The following RAB3D variants were observed in gnomAD, a reference collection of about 807,000 sequenced individuals.
RAB3D encodes ras-related protein Rab-3D.
A neutral mutation model predicts 19.3 loss-of-function variants in RAB3D; 17 were observed. The ratio of observed to expected loss-of-function variants is 0.88; its 90% CI spans 0.60 to 1.32. The LOEUF (loss-of-function observed/expected upper bound fraction) is 1.32. Among genes scored for constraint, RAB3D ranks in the 40% most tolerant of loss-of-function variants. The pLI, the probability that RAB3D is intolerant of heterozygous loss-of-function variation, is 0.00. For missense variants in RAB3D, 223 were observed against 299.1 expected, an observed-to-expected ratio of 0.75 and a Z score of 1.88; for synonymous variants, 103 against 119.9, an observed-to-expected ratio of 0.86 and a Z score of 0.92.
At position 11,325,434 on chromosome 19, in the gene RAB3D, A is replaced by G; in HGVS notation, c.624T>C (p.Asp208=). The G allele has an allele frequency of 6.2e-7, 1 of 1,606,138 alleles. No homozygotes were observed. Residue 208 remains aspartate, a synonymous_variant, in exon 5 of 5, where the codon GAT becomes GAC. Transcript: ENST00000222120. ...AGCTGCTGGGCTGGGGGGCTGGAGC[A>G]TCCCCCACGGCCGGGCCTTTCCCGT... The part of the protein sequence containing the change: ...GSNGKGPAVG[D]APAPQPSSCS...
chr19:11,332,190 G>A (rs533308575), intron 4 of RAB3D, among the ~76,000 whole-genome samples: 3 of 152,074 alleles, frequency 2.0e-5, no homozygotes, highest in South Asian at 2.1e-4. Context: ...GCGCCACCAC[G>A]ACCGGCTAAT....
rs766327339 is a variant in RAB3D, at chr19:11,335,591, G to A, written c.348-20C>T. 1 of 1,613,970 alleles carries A rather than the reference G, an allele frequency of 6.2e-7. No individual in the cohort carries two copies. The highest frequency in any genetic ancestry group is 8.5e-7 in the Non-Finnish European group (1 of 1,179,868). ...GTGGCCCTGCAGAGTTACCAGTGGT[G>A]AGCCATGAGCCGGGGGGGTTAGGGG... On this transcript the variant is annotated intron_variant, in intron 3 of 4. Transcript: ENST00000222120.
At position 11,330,532 on chromosome 19, in the gene RAB3D, T is replaced by C. The variant is rs190609386; in HGVS notation, c.472+4915A>G. Among the ~76,000 whole-genome samples, 8 of 152,056 alleles carry C rather than the reference T, an allele frequency of 5.3e-5. No homozygotes were observed. The East Asian group carries it at 1.6e-3, about 30-fold the overall frequency. On this transcript the variant is annotated intron_variant, in intron 4 of 4. Transcript: ENST00000222120. Reference sequence around the variant, plus strand: ...GAGTTCAAGATCAGCCCAGACAACATGGCAAGACCTATCTCTTAAAATTTT... The same window carrying C: ...GAGTTCAAGATCAGCCCAGACAACACGGCAAGACCTATCTCTTAAAATTTT...
At chr19:11,332,154 T>A (rs988396270) in intron 4 of RAB3D, among the ~76,000 whole-genome samples, 1 of 152,142 alleles carries the variant, frequency 6.6e-6, no homozygotes, top group African/African-American at 2.4e-5. Context: ...TCCCTCAGCC[T>A]CCTGAGTAGC....
In RAB3D at chr19:11,326,748, T is replaced by C. The variant is rs373857835; in HGVS notation, c.473-1163A>G. On this transcript the variant is annotated intron_variant, in intron 4 of 4. Coordinates refer to ENST00000222120, the MANE Select transcript of RAB3D (RefSeq NM_004283.4). ...CCCCCTGAGTAGCTGGGGCTACAGG[T>C]GTGCCCCACCATGCCCGGCTAATTT... is the stretch of plus-strand genomic sequence containing the variant. 784 of 695,022 alleles carry C rather than the reference T, an allele frequency of 1.1e-3. 10 individuals carry two copies. In the African/African-American group the frequency reaches 0.013, roughly 11 times the overall value. The allele number at this position is 695,022 out of a possible 1,614,324, so 43.1% of individuals were successfully genotyped here. A position where few individuals can be genotyped will look rare whatever the true frequency, so the allele number is the denominator to read the frequency against.
chr19:11,328,792 G>C (rs2080825447), intron 4 of RAB3D, among the ~76,000 whole-genome samples: 1 of 151,908 alleles, frequency 6.6e-6, no homozygotes, highest in South Asian at 2.1e-4. Flanking sequence ...ACTCCAGCCT[G>C]GGCAACAGAG....
chr19:11,335,720 A>C lies in RAB3D; in HGVS notation c.292T>G (p.Phe98Val), dbSNP rs1412190099. 1 of 1,614,210 alleles carries C rather than the reference A, an allele frequency of 6.2e-7. No individual in the cohort carries two copies. The highest frequency in any genetic ancestry group is 1.7e-5 in the Admixed American group (1 of 60,018). Residue 98 changes from phenylalanine (F) to valine (V), a missense_variant, in exon 3 of 5, where the codon TTC (phenylalanine) becomes GTC (valine). Phe to Val is a conservative substitution (Grantham distance 50). Coordinates refer to ENST00000222120, the MANE Select transcript of RAB3D (RefSeq NM_004283.4). ...TTAYYRGAMG[F>V]LLMYDIANQE... ...TTGGCGATGTCATACATGAGCAGGA[A>C]GCCCATGGCTCCCCGGTAGTAGGCC...
chr19:11,325,426 G>A lies in RAB3D; in HGVS notation c.632C>T (p.Ala211Val), dbSNP rs752173558. ...GCAGCTGCAGCTGCTGGGCTGGGGG[G>A]CTGGAGCATCCCCCACGGCCGGGCC... ...GKGPAVGDAP[A>V]PQPSSCSC The change falls in exon 5 of 5, where the codon GCC (alanine) becomes GTC (valine). Residue 211 changes from alanine (A) to valine (V), a missense_variant. Coordinates refer to ENST00000222120, the MANE Select transcript of RAB3D (RefSeq NM_004283.4). The A allele has an allele frequency of 3.6e-6, 3 of 825,494 alleles. No homozygotes were observed. Among genetic ancestry groups the A allele is most frequent in the Non-Finnish European group, 5.4e-6 (3 of 553,952 alleles). The allele number at this position is 825,494 out of a possible 1,614,324, so 51.1% of individuals were successfully genotyped here. A position where few individuals can be genotyped will look rare whatever the true frequency, so the allele number is the denominator to read the frequency against.
chr19:11,332,284 G>A (rs1012410435), intron 4 of RAB3D, among the ~76,000 whole-genome samples: 1 of 152,278 alleles, frequency 6.6e-6, no homozygotes, highest in East Asian at 1.9e-4. Flanking sequence ...CGCCTGCCTC[G>A]GCCTCCCAAA....
chr19:11,334,185 C>T (rs532673087), intron 4 of RAB3D, among the ~76,000 whole-genome samples: 41 of 152,000 alleles, frequency 2.7e-4, no homozygotes, highest in Non-Finnish European at 3.5e-4. Flanking sequence ...TTTGCTAGAA[C>T]AAAACAGCCA....
In RAB3D at chr19:11,337,360, C is replaced by T; in HGVS notation, c.40G>A (p.Ala14Thr). The T allele has an allele frequency of 1.2e-6, 2 of 1,614,178 alleles. No homozygotes were observed. Among genetic ancestry groups the T allele is most frequent in the Non-Finnish European group, 1.7e-6 (2 of 1,180,024 alleles). Reference sequence around the variant, plus strand: ...ATATAGTCGAAGTTCTGATCTGCTGCATCCCGTGGGCCTGCCTGGGTGTCT... The same window carrying T: ...ATATAGTCGAAGTTCTGATCTGCTGTATCCCGTGGGCCTGCCTGGGTGTCT... ...AGDTQAGPRDAADQNFDYMFK... is the reference protein window; with the variant it reads ...AGDTQAGPRDTADQNFDYMFK... Residue 14 changes from alanine to threonine, a missense_variant, in exon 2 of 5, where the codon GCA (alanine) becomes ACA (threonine). Physicochemically the swap from Ala to Thr is moderately conservative, Grantham distance 58. Transcript: ENST00000222120.
chr19:11,335,566 G>A lies in RAB3D; in HGVS notation c.353C>T (p.Thr118Met), dbSNP rs776947472. ...ESFAAVQDWA[T>M]QIKTYSWDNA... ...GTCCCAGGAGTAGGTCTTGATTTGC[G>A]TGGCCCTGCAGAGTTACCAGTGGTG... Residue 118 changes from threonine (T) to methionine (M), a missense_variant, in exon 4 of 5, where the codon ACG (threonine) becomes ATG (methionine). Physicochemically the swap from Thr to Met is moderately conservative, Grantham distance 81. Coordinates refer to ENST00000222120, the MANE Select transcript of RAB3D (RefSeq NM_004283.4). 2.0e-5 allele frequency: 33 copies of A among 1,614,136 alleles called. No individual in the cohort carries two copies. Among genetic ancestry groups the A allele is most frequent in the East Asian group, 8.9e-5 (4 of 44,874 alleles).
intron 4 of RAB3D, among the ~76,000 whole-genome samples, chr19:11,331,189 G>A (rs1168981142): frequency 6.6e-6 from 1 of 151,862 alleles, no homozygotes; most frequent in Non-Finnish European, 1.5e-5. Context: ...CAGCTACTCA[G>A]GAGGCTGAGG....
In RAB3D at chr19:11,337,375, C is replaced by G. The variant is rs779396568; in HGVS notation, c.25G>C (p.Ala9Pro). 6 of 1,613,934 alleles carry G rather than the reference C, an allele frequency of 3.7e-6. No individual in the cohort carries two copies. In the East Asian group the frequency reaches 6.7e-5, roughly 18 times the overall value. ...TGATCTGCTGCATCCCGTGGGCCTG[C>G]CTGGGTGTCTCCAGCTGATGCCATC... MASAGDTQ[A>P]GPRDAADQNF... The change falls in exon 2 of 5, where the codon GCA becomes CCA. Residue 9 changes from alanine to proline, a missense_variant. Coordinates refer to ENST00000222120, the MANE Select transcript of RAB3D (RefSeq NM_004283.4).
chr19:11,330,158 G>T (rs1198492686), intron 4 of RAB3D, among the ~76,000 whole-genome samples: 1 of 152,140 alleles, frequency 6.6e-6, no homozygotes, highest in African/African-American at 2.4e-5. Context: ...CTGCCCCACA[G>T]AACAGAGATC....
intron 4 of RAB3D, among the ~76,000 whole-genome samples, chr19:11,332,323 C>T (rs535332100): frequency 7.9e-5 from 12 of 152,336 alleles, no homozygotes; most frequent in East Asian, 1.9e-4. Context: ...TGAGCCACCA[C>T]GCCTGGCCGA....
chr19:11,333,855 G>C (rs1425135169), intron 4 of RAB3D, among the ~76,000 whole-genome samples: 1 of 151,946 alleles, frequency 6.6e-6, no homozygotes, highest in Non-Finnish European at 1.5e-5. Flanking sequence ...CACCATGCCC[G>C]GCTAATTTTT....
intron 4 of RAB3D, among the ~76,000 whole-genome samples, chr19:11,334,262 G>T (rs2080844499): frequency 6.6e-6 from 1 of 151,544 alleles, no homozygotes; most frequent in Non-Finnish European, 1.5e-5. Context: ...CACCTGTCAG[G>T]GGTTCAAGAC....
chr19:11,325,619 AC>A (rs1240820466), intron 4 of RAB3D, 34 bp from the exon 5 acceptor site: 7 of 1,428,300 alleles, frequency 4.9e-6, no homozygotes, highest in Non-Finnish European at 6.4e-6. Context: ...CACTCGTAAG[AC>A]CCCTGAGGGC....
Sources: allele counts gnomAD v4.1 joint callset (sites outside exome capture counted in the v4.1 genomes callset), GRCh38; gene constraint gnomAD v4.1.1; transcripts MANE v1.5; gene names NCBI Gene and HGNC (gene_info 2026-07-23, HGNC 2026-07-21).